SOD2: variants seen among roughly 807,000 people sequenced by gnomAD.
SOD2 encodes the protein superoxide dismutase [Mn], mitochondrial.
SOD2 carries 11 observed loss-of-function variants against 27.0 expected under a neutral mutation model. The observed-to-expected ratio is 0.41, with a 90% CI of 0.26 to 0.67. The LOEUF (loss-of-function observed/expected upper bound fraction) is 0.67, where lower values mean the gene tolerates loss of function less well. Among genes scored for constraint, SOD2 ranks in the 30% least tolerant of loss-of-function variants. The pLI, the probability that SOD2 is intolerant of heterozygous loss-of-function variation, is 0.34. For missense variants in SOD2, 250 were observed against 274.5 expected, an observed-to-expected ratio of 0.91 and a Z score of 0.63; for synonymous variants, 105 against 103.0, an observed-to-expected ratio of 1.02 and a Z score of -0.12.
At chr6:159,702,275 C>T (rs2114808459) in intron 1 of SOD2, among the ~76,000 whole-genome samples, 1 of 151,802 alleles carries the variant, frequency 6.6e-6, no homozygotes, top group African/African-American at 2.4e-5. Flanking sequence ...GGCAGCAAAG[C>T]AAGACCCTGT....
chr6:159,743,880 C>T (rs926498008), intron 1 of SOD2: 1 of 1,348,604 alleles, frequency 7.4e-7, no homozygotes, highest in South Asian at 1.8e-5. Context: ...ACATTTAATG[C>T]TAAATATAAG....
intron 1 of SOD2, among the ~76,000 whole-genome samples, chr6:159,743,953 A>G (rs1417562343): frequency 6.6e-6 from 1 of 152,158 alleles, no homozygotes; most frequent in Non-Finnish European, 1.5e-5. Flanking sequence ...AAATTTTGAT[A>G]ATGTCTCATT....
intron 1 of SOD2, chr6:159,755,325 ACTTTCCTTCTT>A: frequency 6.2e-7 from 1 of 1,614,228 alleles, no homozygotes; most frequent in Non-Finnish European, 8.5e-7. Context: ...ACCGAAGATG[ACTTTCCTTCTT>A]CTCCAGGGAA....
At chr6:159,761,793 G>A (rs1780133246) in exon 1 of SOD2, 2 of 246,960 alleles carry the variant, frequency 8.1e-6, no homozygotes, top group Admixed American at 5.6e-5. Context: ...ATGCGTCCGA[G>A]GTCCGCGGTT....
chr6:159,748,003 T>G (rs1779678583), upstream of SOD2, among the ~76,000 whole-genome samples: 1 of 152,194 alleles, frequency 6.6e-6, no homozygotes, highest in African/African-American at 2.4e-5. The surrounding 1 kb of genome is among the most constrained non-coding windows in gnomAD (Gnocchi z 5.6). Context: ...ATTAGCATAT[T>G]CATCAAATAG....
At position 159,671,852 on chromosome 6, in the gene SOD2, T is replaced by C. The variant is rs1189176410; in HGVS notation, c.*10641A>G. The stretch of plus-strand genomic sequence containing the variant: ...GAACCTAAAAACCTTGAAAAAAGAT[T>C]AGACAAATGGCTAACTAGAATAACC... On this transcript the variant is annotated 3_prime_UTR_variant, in exon 5 of 5. Coordinates refer to ENST00000538183, the MANE Select transcript of SOD2 (RefSeq NM_000636.4). 6.6e-6 allele frequency: 1 copy of C among 152,158 alleles called. No individual in the cohort carries two copies. Among genetic ancestry groups the C allele is most frequent in the Non-Finnish European group, 1.5e-5 (1 of 68,034 alleles). The allele number at this position is 152,158 out of a possible 1,614,324, so 9.4% of individuals were successfully genotyped here.
At chr6:159,752,416 G>T (rs1054307477) in intron 1 of SOD2, among the ~76,000 whole-genome samples, 1 of 151,498 alleles carries the variant, frequency 6.6e-6, no homozygotes, top group Non-Finnish European at 1.5e-5. Flanking sequence ...TTATTGCTGA[G>T]GCTAAAGAAA....
intron 1 of SOD2, among the ~76,000 whole-genome samples, chr6:159,720,194 CTAAT>C (rs1159349030): frequency 2.0e-5 from 3 of 151,732 alleles, no homozygotes; most frequent in African/African-American, 7.3e-5. Context: ...CCACGCCCGG[CTAAT>C]TTTTTTGTGT....
intron 2 of SOD2, 114 bp downstream of exon 2, chr6:159,692,547 C>A (rs763372612): frequency 1.3e-6 from 2 of 1,522,064 alleles, no homozygotes; most frequent in African/African-American, 2.8e-5. Flanking sequence ...AACTCGGAAC[C>A]GGTACAAATA....
chr6:159,696,097 C>T (rs190174981), upstream of SOD2, among the ~76,000 whole-genome samples: 1 of 152,182 alleles, frequency 6.6e-6, no homozygotes, highest in South Asian at 2.1e-4. Flanking sequence ...GATCCAACCA[C>T]AGTTTCTTAA....
rs1336634479 is a variant in SOD2, at chr6:159,740,700, TTTTC to T, written c.-116+4426_-116+4429del. On this transcript the variant is annotated intron_variant, in intron 1 of 3. Coordinates refer to the SOD2 transcript ENST00000537657. ...ATTAGGAAGGTTTTTTTTTTTTCTT[TTTTC>T]TTTCTTTTTTTTTTTTTTAAGACAG... 6.6e-5 allele frequency among the ~76,000 whole-genome samples: 10 copies of T among 151,668 alleles called. No individual in the cohort carries two copies. In the East Asian group the frequency reaches 7.7e-4, roughly 12 times the overall value.
At chr6:159,710,080 C>G (rs1483773853) in intron 1 of SOD2, among the ~76,000 whole-genome samples, 1 of 121,936 alleles carries the variant, frequency 8.2e-6, no homozygotes, top group Admixed American at 1.2e-4. Context: ...AACTTGGACA[C>G]AGGAAGAGGA....
upstream of SOD2, among the ~76,000 whole-genome samples, chr6:159,694,366 T>G (rs1777376232): frequency 6.6e-6 from 1 of 152,136 alleles, no homozygotes; most frequent in Non-Finnish European, 1.5e-5. Context: ...TGCTGAACCG[T>G]TTCCGTTGCT....
intron 2 of SOD2, 164 bp downstream of exon 2, chr6:159,692,497 G>A (rs1386337654): frequency 4.8e-6 from 7 of 1,455,044 alleles, no homozygotes; most frequent in Admixed American, 2.8e-5. Context: ...CTACAATGAG[G>A]TAGACCATGT....
At chr6:159,739,016 A>G (rs1779085968) in intron 1 of SOD2, 8 of 1,612,364 alleles carry the variant, frequency 5.0e-6, no homozygotes, top group Non-Finnish European at 6.8e-6. Context: ...CAGACTTCAA[A>G]GTTATGGCAA....
At chr6:159,754,640 TAGATTAAC>T (rs1356465468) in intron 1 of SOD2, among the ~76,000 whole-genome samples, 1 of 152,240 alleles carries the variant, frequency 6.6e-6, no homozygotes, top group African/African-American at 2.4e-5. Context: ...GAGCCATCTC[TAGATTAAC>T]AGTACCTAAT....
At chr6:159,762,017 C>T (rs1484407986) in exon 1 of SOD2, 7 of 1,576,758 alleles carry the variant, frequency 4.4e-6, no homozygotes, top group Non-Finnish European at 6.1e-6. Context: ...CGCGGCAGGC[C>T]TGTGGGCTGC....
chr6:159,684,740 A>T, intron 4 of SOD2, 114 bp downstream of exon 4: 1 of 790,006 alleles, frequency 1.3e-6, no homozygotes, highest in Non-Finnish European at 1.9e-6. Context: ...GTTATCTGTT[A>T]AGATTTGCAA....
upstream of SOD2, chr6:159,727,415 G>C (rs559838648): frequency 2.5e-6 from 3 of 1,197,622 alleles, no homozygotes; most frequent in African/African-American, 5.0e-5. Context: ...CAGTGGCGCT[G>C]GCCTGCGGCG....
Sources: gnomAD v4.1 joint callset for allele counts (sites outside exome capture counted in the v4.1 genomes callset) on GRCh38, gnomAD v4.1.1 for gene constraint, Gnocchi (gnomAD v3.1) non-coding constraint, MANE v1.5 for transcripts, NCBI Gene and HGNC (gene_info 2026-07-23, HGNC 2026-07-21) for gene names.